Variants in REV3L observed in about 807,000 individuals in gnomAD.
REV3L encodes DNA polymerase zeta catalytic subunit.
REV3L carries 69 observed loss-of-function variants against 299.4 expected under a neutral mutation model. The observed-to-expected ratio is 0.23, with a 90% CI of 0.19 to 0.28. The LOEUF (loss-of-function observed/expected upper bound fraction) is 0.28. Among genes scored for constraint, REV3L ranks in the 10% least tolerant of loss-of-function variants. REV3L has a pLI of 1.00. For missense variants in REV3L, 3,128 were observed against 3,693.8 expected (o/e 0.85, Z 3.97); for synonymous variants, 1,238 against 1,271.4 (o/e 0.97, Z 0.56).
rs1336990113 is a variant in REV3L at position 111,438,723 on chromosome 6, GTTTAATTA to G, written c.140-22259_140-22252del. 4.6e-5 allele frequency among the ~76,000 whole-genome samples: 7 copies of G among 152,116 alleles called. No homozygotes were observed. In the East Asian group the frequency reaches 1.3e-3, roughly 29 times the overall value. ...TAAAGAAAGGTTTTCTTAGGACTAT[GTTTAATTA>G]TTTAGAGTCCTGGGTTGATATGGCA... On this transcript the variant is annotated intron_variant, in intron 1 of 31. Coordinates refer to ENST00000368802, the MANE Select transcript of REV3L (RefSeq NM_001372078.1).
chr6:111,323,502 AC>A (rs1774430622), intron 25 of REV3L, among the ~76,000 whole-genome samples: 1 of 152,168 alleles, frequency 6.6e-6, no homozygotes, highest in South Asian at 2.1e-4. Flanking sequence ...ATATATTAAA[AC>A]TGTTCAATTT....
chr6:111,467,609 CTT>C (rs1020279000), intron 1 of REV3L, among the ~76,000 whole-genome samples: 4 of 152,152 alleles, frequency 2.6e-5, no homozygotes, highest in African/African-American at 9.7e-5. Context: ...TGCGTACAAA[CTT>C]TTTTCCTTGT....
chr6:111,312,853 G>C, intron 28 of REV3L: 1 of 152,344 alleles, frequency 6.6e-6, no homozygotes, highest in East Asian at 1.9e-4. Context: ...CCACCACACC[G>C]GGTCTGTTTG....
rs565643381 is a variant in REV3L, at chr6:111,410,680, A to G, written c.404+800T>C. 2.0e-5 allele frequency among the ~76,000 whole-genome samples: 3 copies of G among 152,340 alleles called. No homozygotes were observed. The East Asian group carries it at 5.8e-4, about 29-fold the overall frequency. The stretch of plus-strand genomic sequence containing the variant: ...TTGGGAATAGAGCTGTGCTTCAGTG[A>G]AGTACTCAAATGGTTTAATCCAGGG... On this transcript the variant is annotated intron_variant, in intron 3 of 31. Transcript: ENST00000368802.
At chr6:111,474,988 T>TACACACACACAC (rs36213449) in intron 1 of REV3L, among the ~76,000 whole-genome samples, 4 of 145,842 alleles carry the variant, frequency 2.7e-5, no homozygotes, top group East Asian at 2.0e-4. Context: ...TGCCTATATA[T>TACACACACACAC]ACACACACAC....
chr6:111,368,706 T>C (rs1455062447), intron 13 of REV3L, among the ~76,000 whole-genome samples: 1 of 152,016 alleles, frequency 6.6e-6, no homozygotes, highest in African/African-American at 2.4e-5. Flanking sequence ...TCATTTCCAA[T>C]AGTTATAAAT....
chr6:111,318,087 TTTTTTC>T (rs1452524125), intron 26 of REV3L, among the ~76,000 whole-genome samples: 2 of 148,580 alleles, frequency 1.3e-5, no homozygotes, highest in Non-Finnish European at 3.0e-5. Flanking sequence ...TTCCTTTTTC[TTTTTTC>T]TTTTTTTTTT....
chr6:111,302,906 A>C (rs960126831), intron 31 of REV3L, among the ~76,000 whole-genome samples: 1 of 152,094 alleles, frequency 6.6e-6, no homozygotes, highest in African/African-American at 2.4e-5. Flanking sequence ...GTCTCAAAAA[A>C]AATTTTTCAG....
intron 1 of REV3L, chr6:111,430,406 A>G: frequency 2.1e-6 from 3 of 1,420,340 alleles, no homozygotes; most frequent in Admixed American, 1.7e-5. Context: ...AGTCCATAGA[A>G]AAACTAAAGG....
In REV3L at chr6:111,393,580, C is replaced by G. The variant is rs748406081; in HGVS notation, c.566-608G>C. 6.1e-4 allele frequency among the ~76,000 whole-genome samples: 93 copies of G among 152,300 alleles called. 2 individuals carry two copies. Among genetic ancestry groups the G allele is most frequent in the Middle Eastern group, 3.4e-3 (1 of 294 alleles). On this transcript the variant is annotated intron_variant, in intron 4 of 31. Transcript: ENST00000368802. Reference sequence around the variant, plus strand: ...AACTACAGTCACTCCTGTATGCTATCAAACACTAGAACTTATTTCGTCTAA... The same window carrying G: ...AACTACAGTCACTCCTGTATGCTATGAAACACTAGAACTTATTTCGTCTAA...
chr6:111,426,671 A>G (rs1786223157), intron 1 of REV3L, among the ~76,000 whole-genome samples: 1 of 152,232 alleles, frequency 6.6e-6, no homozygotes. Flanking sequence ...AATCTGATGA[A>G]ATGTTGTATC....
intron 18 of REV3L, among the ~76,000 whole-genome samples, chr6:111,354,370 G>A (rs993997819): frequency 7.2e-5 from 11 of 151,924 alleles, no homozygotes; most frequent in African/African-American, 2.2e-4. Context: ...AAATAACTTC[G>A]TCTCAGATAA....
chr6:111,356,494 G>A (rs892695112), intron 18 of REV3L, among the ~76,000 whole-genome samples: 2 of 152,080 alleles, frequency 1.3e-5, no homozygotes, highest in Non-Finnish European at 2.9e-5. Flanking sequence ...GTGCACAAGA[G>A]TATGTAATAG....
intron 1 of REV3L, among the ~76,000 whole-genome samples, chr6:111,439,503 C>A (rs1324296843): frequency 6.6e-6 from 1 of 152,180 alleles, no homozygotes; most frequent in Non-Finnish European, 1.5e-5. Flanking sequence ...CAACATAGAG[C>A]ATTCTACAGT....
At chr6:111,344,998 G>C (rs945265384) in intron 20 of REV3L, among the ~76,000 whole-genome samples, 1 of 152,156 alleles carries the variant, frequency 6.6e-6, no homozygotes, top group Admixed American at 6.5e-5. Flanking sequence ...TTCACAGTGT[G>C]TGTATGTACT....
intron 16 of REV3L, among the ~76,000 whole-genome samples, chr6:111,359,382 GT>G (rs1338661926): frequency 2.0e-5 from 3 of 151,980 alleles, no homozygotes; most frequent in Admixed American, 2.0e-4. Context: ...AAACTATATA[GT>G]TTTACCTGTA....
At chr6:111,346,266 T>C (rs1051112067) in intron 20 of REV3L, among the ~76,000 whole-genome samples, 7 of 152,222 alleles carry the variant, frequency 4.6e-5, no homozygotes, top group African/African-American at 9.6e-5. Context: ...CTAGATTGAC[T>C]TGACATCCAG....
chr6:111,392,045 G>A (rs961351831), intron 5 of REV3L, among the ~76,000 whole-genome samples: 1 of 152,182 alleles, frequency 6.6e-6, no homozygotes, highest in Non-Finnish European at 1.5e-5. Flanking sequence ...ACACATTGAA[G>A]TATCAAATTT....
intron 13 of REV3L, among the ~76,000 whole-genome samples, chr6:111,369,896 G>C (rs1296527911): frequency 1.3e-5 from 2 of 151,624 alleles, no homozygotes; most frequent in Non-Finnish European, 2.9e-5. Flanking sequence ...GAGTGCAGTG[G>C]TGCGATCTCA....
Sources: allele counts gnomAD v4.1 joint callset (sites outside exome capture counted in the v4.1 genomes callset), GRCh38; gene constraint gnomAD v4.1.1; transcripts MANE v1.5; gene names NCBI Gene and HGNC (gene_info 2026-07-23, HGNC 2026-07-21).